SLC71A2: variants seen among roughly 807,000 people sequenced by gnomAD.
SLC71A2 encodes the protein solute carrier family 71 member 2, also known as hippocampus abundant transcript-like 1.
At chr9:94,417,575 C>T in the SLC71A2 span, among the ~76,000 whole-genome samples, 1 of 152,020 alleles carries the variant, frequency 6.6e-6, no homozygotes, top group Non-Finnish European at 1.5e-5. Flanking sequence ...TACAGTGAGC[C>T]AAGATCGTGT....
the SLC71A2 span, among the ~76,000 whole-genome samples, chr9:94,452,668 CATATATATTCATATATTCAT>C: frequency 2.7e-4 from 13 of 48,078 alleles, no homozygotes; most frequent in Non-Finnish European, 5.0e-4. Flanking sequence ...CATATATATT[CATATATATTCATATATTCAT>C]ATATATTCAT....
the SLC71A2 span, among the ~76,000 whole-genome samples, chr9:94,406,066 A>ATTTTTTTTT: frequency 1.2e-3 from 78 of 63,614 alleles, 8 homozygotes; most frequent in African/African-American, 2.8e-3. Flanking sequence ...TGCAACTTGA[A>ATTTTTTTTT]TTTTTTTTTT....
chr9:94,402,144 T>C, the SLC71A2 span, among the ~76,000 whole-genome samples: 2 of 152,208 alleles, frequency 1.3e-5, no homozygotes, highest in African/African-American at 4.8e-5. Context: ...TTGTGCTCCC[T>C]ATCTTCATCC....
chr9:94,389,487 C>T, the SLC71A2 span, among the ~76,000 whole-genome samples: 86 of 151,550 alleles, frequency 5.7e-4, no homozygotes, highest in African/African-American at 2.1e-3. Flanking sequence ...CCGTGTTGGC[C>T]AGGCTGGTCT....
At chr9:94,374,532 C>T in the SLC71A2 span, 5 of 152,426 alleles carry the variant, frequency 3.3e-5, no homozygotes, top group African/African-American at 1.2e-4. Context: ...GGGCGGGGCA[C>T]AGTCTCTTAA....
chr9:94,425,894 C>T, the SLC71A2 span, among the ~76,000 whole-genome samples: 550 of 151,970 alleles, frequency 3.6e-3, 2 homozygotes, highest in Non-Finnish European at 5.8e-3. Context: ...AAGATGGAGT[C>T]GGTTAAGTTA....
At chr9:94,383,249 A>G in the SLC71A2 span, among the ~76,000 whole-genome samples, 2 of 132,172 alleles carry the variant, frequency 1.5e-5, no homozygotes, top group East Asian at 2.2e-4. Flanking sequence ...TGCAACCTCC[A>G]CTTCCCAGGT....
At chr9:94,458,075 T>A in the SLC71A2 span, among the ~76,000 whole-genome samples, 1 of 152,214 alleles carries the variant, frequency 6.6e-6, no homozygotes, top group Non-Finnish European at 1.5e-5. Flanking sequence ...TTGCCTGAAA[T>A]GGGAAGATAT....
At chr9:94,424,977 A>G in the SLC71A2 span, among the ~76,000 whole-genome samples, 1 of 150,878 alleles carries the variant, frequency 6.6e-6, no homozygotes, top group Admixed American at 6.6e-5. Flanking sequence ...TCAAGTGAGT[A>G]TGTTGTGGAG....
the SLC71A2 span, chr9:94,446,780 T>A: frequency 3.1e-6 from 3 of 977,960 alleles, no homozygotes; most frequent in Non-Finnish European, 4.9e-6. Context: ...GCAACATTAA[T>A]GTGTATTGGC....
the SLC71A2 span, chr9:94,444,909 T>G: frequency 2.6e-6 from 4 of 1,533,302 alleles, no homozygotes; most frequent in Non-Finnish European, 3.6e-6. Context: ...AAGGATATGC[T>G]TTCCCCAGAG....
the SLC71A2 span, among the ~76,000 whole-genome samples, chr9:94,428,324 T>G: frequency 5.4e-5 from 8 of 147,462 alleles, no homozygotes; most frequent in African/African-American, 2.0e-4. Context: ...ACTTTGGTAT[T>G]TCACTTGAAA....
chr9:94,382,876 G>T, the SLC71A2 span, among the ~76,000 whole-genome samples: 1 of 152,052 alleles, frequency 6.6e-6, no homozygotes, highest in South Asian at 2.1e-4. Flanking sequence ...TGCAGTTTTA[G>T]TAGAGGCGGG....
chr9:94,423,524 T>C, the SLC71A2 span, among the ~76,000 whole-genome samples: 2 of 152,112 alleles, frequency 1.3e-5, no homozygotes, highest in Non-Finnish European at 2.9e-5. Context: ...AACATCTTTA[T>C]TGCTGGATGG....
chr9:94,422,615 C>G, the SLC71A2 span, among the ~76,000 whole-genome samples: 2 of 152,038 alleles, frequency 1.3e-5, no homozygotes, highest in African/African-American at 4.8e-5. Flanking sequence ...ACTCTTCAGC[C>G]AGGCAGACTC....
the SLC71A2 span, among the ~76,000 whole-genome samples, chr9:94,444,000 A>G: frequency 6.6e-6 from 1 of 152,240 alleles, no homozygotes. Context: ...TAGTACTTTT[A>G]GTATAATACT....
At chr9:94,392,187 G>T in the SLC71A2 span, among the ~76,000 whole-genome samples, 3 of 150,206 alleles carry the variant, frequency 2.0e-5, no homozygotes, top group Non-Finnish European at 4.4e-5. Context: ...ATTGAGGGGT[G>T]GGAGAAGTGA....
At chr9:94,401,506 T>A in the SLC71A2 span, among the ~76,000 whole-genome samples, 1,741 of 151,958 alleles carry the variant, frequency 0.011, 38 homozygotes, top group African/African-American at 0.039. Context: ...TTGCCATCTG[T>A]ATATCATCTT....
chr9:94,453,760 G>GC, the SLC71A2 span, among the ~76,000 whole-genome samples: 1 of 152,182 alleles, frequency 6.6e-6, no homozygotes, highest in African/African-American at 2.4e-5. Context: ...AAAGCATTGA[G>GC]CCCCAGGTCA....
Sources: gnomAD v4.1 joint callset for allele counts (sites outside exome capture counted in the v4.1 genomes callset) on GRCh38, gnomAD v4.1.1 for gene constraint, MANE v1.5 for transcripts, NCBI Gene and HGNC (gene_info 2026-07-23, HGNC 2026-07-21) for gene names.